Variants in CAMSAP1 observed in about 807,000 individuals in gnomAD.
CAMSAP1 encodes the protein calmodulin-regulated spectrin-associated protein 1.
Under a neutral mutation model 143.5 loss-of-function variants are expected in CAMSAP1, and 58 were observed. The observed-to-expected ratio is 0.40, with a 90% confidence interval of 0.33 to 0.50. The LOEUF is 0.50. Among genes scored for constraint, CAMSAP1 ranks in the 20% least tolerant of loss-of-function variants. The pLI is 0.45. For missense variants in CAMSAP1, 1,969 were observed against 2,115.7 expected, an observed-to-expected ratio of 0.93 and a Z score of 1.36; for synonymous variants, 945 against 859.3, an observed-to-expected ratio of 1.10 and a Z score of -1.74.
rs553234320 is a variant in CAMSAP1 at position 135,811,685 on chromosome 9, A to G, written c.4507-74T>C. 1.2e-5 allele frequency: 18 copies of G among 1,442,572 alleles called. No homozygotes were observed. In the African/African-American group the frequency reaches 1.5e-4, roughly 12 times the overall value. 89.4% of individuals were successfully genotyped at this position (1,442,572 alleles called of 1,614,324 possible). ...CAATTGCCACGAGTTGGGCTCCCACAGCGGCTCAACCAGCACCGCTCCGTG... is the reference window on the plus strand; with the variant it reads ...CAATTGCCACGAGTTGGGCTCCCACGGCGGCTCAACCAGCACCGCTCCGTG... On this transcript the variant is annotated intron_variant, in intron 16 of 16. Transcript: ENST00000389532. The surrounding 1 kb of genome is among the most constrained non-coding windows in gnomAD (Gnocchi z 4.9).
chr9:135,899,143 C>T lies in CAMSAP1; in HGVS notation c.160+7857G>A, dbSNP rs576698916. 3.4e-4 allele frequency among the ~76,000 whole-genome samples: 52 copies of T among 152,226 alleles called. No homozygotes were observed. In the South Asian group the frequency reaches 8.9e-3, roughly 26 times the overall value. ...CAGTGAAGCCCTGGGTGGGTCCTGC[C>T]GGGCAGGGGCACAAAGGAAACTCGG... On this transcript the variant is annotated intron_variant, in intron 1 of 16. Coordinates refer to ENST00000389532, the MANE Select transcript of CAMSAP1 (RefSeq NM_015447.4).
intron 4 of CAMSAP1, 34 bp downstream of exon 4, chr9:135,866,422 A>C: frequency 1.0e-6 from 1 of 998,158 alleles, no homozygotes; most frequent in East Asian, 2.6e-5. Flanking sequence ...ACATTAACTT[A>C]GTGCATTCCA....
rs758058618 is a variant in CAMSAP1 at position 135,815,971 on chromosome 9, G to A, written c.4306C>T (p.Arg1436Cys). 23 of 1,613,808 alleles carry A rather than the reference G, an allele frequency of 1.4e-5. No individual in the cohort carries two copies. Among genetic ancestry groups the A allele is most frequent in the Non-Finnish European group, 1.7e-5 (20 of 1,179,908 alleles). ...ESMEALPILSRNPSRSTDRDW... is the reference protein window; with the variant it reads ...ESMEALPILSCNPSRSTDRDW... ...CGGTCTGTGCTCCTGCTTGGGTTAC[G>A]GCTCAGTATGGGCAGGGCTTCCATC... is the stretch of plus-strand genomic sequence containing the variant. Residue 1436 changes from arginine to cysteine, a missense_variant, in exon 15 of 17, where the codon CGT becomes TGT. Arg to Cys is a radical substitution (Grantham distance 180, BLOSUM62 -3). Coordinates refer to ENST00000389532, the MANE Select transcript of CAMSAP1 (RefSeq NM_015447.4).
intron 5 of CAMSAP1, among the ~76,000 whole-genome samples, chr9:135,855,046 C>T (rs1375845300): frequency 6.6e-6 from 1 of 151,918 alleles, no homozygotes; most frequent in African/African-American, 2.4e-5. Flanking sequence ...GGCTGGAGTG[C>T]AGTGGCGTGA....
intron 1 of CAMSAP1, among the ~76,000 whole-genome samples, chr9:135,896,796 A>G (rs1838469919): frequency 6.6e-6 from 1 of 152,196 alleles, no homozygotes; most frequent in African/African-American, 2.4e-5. Context: ...TCACACGGCA[A>G]CCTAATCCCC....
chr9:135,868,154 C>G (rs1264681555), intron 3 of CAMSAP1, among the ~76,000 whole-genome samples: 1 of 150,410 alleles, frequency 6.6e-6, no homozygotes, highest in Non-Finnish European at 1.5e-5. Context: ...TGAGAGAATT[C>G]AGTAGAACTG....
chr9:135,846,639 G>C (rs772322823), intron 7 of CAMSAP1, among the ~76,000 whole-genome samples: 6 of 148,340 alleles, frequency 4.0e-5, no homozygotes, highest in Non-Finnish European at 5.9e-5. Context: ...AACTGACAAA[G>C]GGCTAATATC....
At position 135,822,768 on chromosome 9, in the gene CAMSAP1, G is replaced by C. The variant is rs778525882; in HGVS notation, c.1893C>G (p.Gly631=). 10 of 1,613,788 alleles carry C rather than the reference G, an allele frequency of 6.2e-6. No homozygotes were observed. In the Admixed American group the frequency reaches 1.3e-4, roughly 22 times the overall value. ...RSIVSRRPSE[G]PQPLVRRKMT... ...TTTTCCTTCGTACCAAAGGCTGGGG[G>C]CCCTCGCTGGGCCTCCTAGACACGA... The change falls in exon 11 of 17, where the codon GGC becomes GGG. Residue 631 remains glycine (G), a synonymous_variant. Transcript: ENST00000389532. This position sits in a 1 kb window ranked among gnomAD's most constrained non-coding sequence, Gnocchi z 6.1.
Position 135,819,093 on chromosome 9 carries a change from C to G in CAMSAP1, c.3876G>C (p.Leu1292=). 6.2e-7 allele frequency: 1 copy of G among 1,603,520 alleles called. No individual in the cohort carries two copies. Among genetic ancestry groups the G allele is most frequent in the Non-Finnish European group, 8.5e-7 (1 of 1,176,392 alleles). ...ELAKKRAAFL[L]KQQRKAEEAR... ...CCTCCTCGGCCTTGCGCTGCTGCTT[C>G]AGGAGGAAGGCCGCCCGCTTCTTGG... is the stretch of plus-strand genomic sequence containing the variant. Residue 1292 remains leucine (L), a synonymous_variant, in exon 12 of 17, where the codon CTG becomes CTC. Transcript: ENST00000389532.
intron 3 of CAMSAP1, 145 bp from the exon 4 acceptor site, chr9:135,866,681 C>G: frequency 1.7e-6 from 1 of 580,742 alleles, no homozygotes. Flanking sequence ...TACACAGATA[C>G]AGAAGTACAC....
chr9:135,904,592 C>T (rs1234197109), intron 1 of CAMSAP1, among the ~76,000 whole-genome samples: 1 of 151,952 alleles, frequency 6.6e-6, no homozygotes, highest in Non-Finnish European at 1.5e-5. Context: ...CCACACCTGG[C>T]TTAAAAACTT....
rs1278479433 is a variant in CAMSAP1 at position 135,882,760 on chromosome 9, G to A, written c.423+56C>T. 94 of 1,516,236 alleles carry A rather than the reference G, an allele frequency of 6.2e-5. 1 individual carries two copies. In the East Asian group the frequency reaches 1.1e-3, roughly 18 times the overall value. The allele number at this position is 1,516,236 out of a possible 1,614,324, so 93.9% of individuals were successfully genotyped here. ...CATCCATGCACCAGGTGCGCCACAC[G>A]AGAGCCCACGGCTCCAGAGGATGGC... On this transcript the variant is annotated intron_variant, in intron 2 of 16. Coordinates refer to ENST00000389532, the MANE Select transcript of CAMSAP1 (RefSeq NM_015447.4). The surrounding 1 kb of genome is among the most constrained non-coding windows in gnomAD (Gnocchi z 4.9).
chr9:135,825,087 C>A (rs1263614971), intron 8 of CAMSAP1, among the ~76,000 whole-genome samples: 1 of 152,192 alleles, frequency 6.6e-6, no homozygotes, highest in African/African-American at 2.4e-5. Flanking sequence ...CAAACGGGCA[C>A]ACTGACTCCC....
chr9:135,813,152 G>A (rs953015579), intron 16 of CAMSAP1, among the ~76,000 whole-genome samples: 3 of 152,216 alleles, frequency 2.0e-5, no homozygotes, highest in Non-Finnish European at 4.4e-5. Context: ...CAGGCATCCT[G>A]AGGCCTTCCC....
At chr9:135,814,858 G>A (rs906510025) in intron 16 of CAMSAP1, among the ~76,000 whole-genome samples, 1 of 152,210 alleles carries the variant, frequency 6.6e-6, no homozygotes, top group African/African-American at 2.4e-5. Flanking sequence ...ACATGAGGAT[G>A]TAGCCTCTGA....
rs1267297914 is a variant in CAMSAP1, at chr9:135,826,991, A to G, written c.1223+416T>C. On this transcript the variant is annotated intron_variant, in intron 8 of 16. Coordinates refer to ENST00000389532, the MANE Select transcript of CAMSAP1 (RefSeq NM_015447.4). This position sits in a 1 kb window ranked among gnomAD's most constrained non-coding sequence, Gnocchi z 4.4. ...TCGAATCAAATTAATTCTTCCCCAA[A>G]GAGCAAACAAATTCTCTTCTTTGAA... 6.6e-6 allele frequency among the ~76,000 whole-genome samples: 1 copy of G among 152,266 alleles called. No individual in the cohort carries two copies. Among genetic ancestry groups the G allele is most frequent in the Non-Finnish European group, 1.5e-5 (1 of 68,046 alleles).
chr9:135,852,303 T>G (rs908735737), intron 5 of CAMSAP1, among the ~76,000 whole-genome samples: 1 of 152,232 alleles, frequency 6.6e-6, no homozygotes, highest in African/African-American at 2.4e-5. Context: ...TATCATTTCA[T>G]TTTGTTTATG....
At chr9:135,827,620 C>T (rs1835724056) in intron 7 of CAMSAP1, 36 bp from the exon 8 acceptor site, 1 of 1,503,708 alleles carries the variant, frequency 6.7e-7, no homozygotes, top group Admixed American at 2.0e-5. Context: ...TTACTTACAA[C>T]ACTAACTGGA....
intron 1 of CAMSAP1, 82 bp from the exon 2 acceptor site, chr9:135,883,160 T>G: frequency 1.4e-6 from 2 of 1,450,338 alleles, no homozygotes; most frequent in Middle Eastern, 2.1e-4. Context: ...GAACTATGAC[T>G]GTGCCACTGT....
Sources: gnomAD v4.1 joint callset for allele counts (sites outside exome capture counted in the v4.1 genomes callset) on GRCh38, gnomAD v4.1.1 for gene constraint, Gnocchi (gnomAD v3.1) non-coding constraint, MANE v1.5 for transcripts, NCBI Gene and HGNC (gene_info 2026-07-23, HGNC 2026-07-21) for gene names.